CALCRL: variants seen among roughly 807,000 people sequenced by gnomAD.
CALCRL encodes calcitonin gene-related peptide type 1 receptor.
A neutral mutation model predicts 60.4 loss-of-function variants in CALCRL; 27 were observed. The ratio of observed to expected loss-of-function variants is 0.45; its 90% confidence interval spans 0.33 to 0.62. The LOEUF (loss-of-function observed/expected upper bound fraction) is 0.62, where lower values mean the gene tolerates loss of function less well. Among genes scored for constraint, CALCRL ranks in the 20% least tolerant of loss-of-function variants. CALCRL has a pLI of 0.03. For missense variants in CALCRL, 424 were observed against 540.7 expected (o/e 0.78, Z 2.14); for synonymous variants, 190 against 182.6 (o/e 1.04, Z -0.33).
At chr2:187,366,920 C>CACACACACACACACACACA (rs1491502658) in intron 8 of CALCRL, among the ~76,000 whole-genome samples, 1 of 97,550 alleles carries the variant, frequency 1.0e-5, no homozygotes, top group Non-Finnish European at 2.3e-5. Flanking sequence ...GAGTATAACC[C>CACACACACACACACACACA]CACACACACA....
At chr2:187,432,364 T>G (rs1690441648) in intron 1 of CALCRL, among the ~76,000 whole-genome samples, 1 of 152,166 alleles carries the variant, frequency 6.6e-6, no homozygotes, top group Non-Finnish European at 1.5e-5. Context: ...TTATTTATCT[T>G]AATTAAGTCA....
intron 1 of CALCRL, among the ~76,000 whole-genome samples, chr2:187,419,929 C>A (rs1247910850): frequency 6.6e-6 from 1 of 152,162 alleles, no homozygotes; most frequent in Non-Finnish European, 1.5e-5. Context: ...GTTCTGGAGT[C>A]ATATGCTAAT....
At chr2:187,358,446 C>T (rs919187071) in intron 12 of CALCRL, among the ~76,000 whole-genome samples, 3 of 152,060 alleles carry the variant, frequency 2.0e-5, no homozygotes, top group Non-Finnish European at 2.9e-5. Context: ...CTAATTCATG[C>T]ACTCACATTA....
chr2:187,435,638 T>C (rs1421969742), intron 1 of CALCRL, among the ~76,000 whole-genome samples: 5 of 152,152 alleles, frequency 3.3e-5, no homozygotes, highest in Non-Finnish European at 7.3e-5. Context: ...GATGTATTTG[T>C]TATGAATCTA....
At chr2:187,350,626 T>C (rs1473234915) in intron 14 of CALCRL, among the ~76,000 whole-genome samples, 1 of 151,566 alleles carries the variant, frequency 6.6e-6, no homozygotes, top group Admixed American at 6.6e-5. Context: ...ATATTTTAAT[T>C]AAAAACTAAA....
At chr2:187,413,601 G>A (rs533996710) in intron 1 of CALCRL, among the ~76,000 whole-genome samples, 3 of 152,094 alleles carry the variant, frequency 2.0e-5, no homozygotes, top group South Asian at 2.1e-4. Context: ...CTTTCATTTG[G>A]CAATTCTTAT....
intron 13 of CALCRL, 39 bp from the exon 14 acceptor site, chr2:187,352,000 A>G (rs1332886238): frequency 6.4e-7 from 1 of 1,565,656 alleles, no homozygotes; most frequent in Admixed American, 1.7e-5. Flanking sequence ...TCCAAATGGA[A>G]AGATACATGT....
chr2:187,375,775 TTTAAAAAG>T (rs918002269), intron 8 of CALCRL, among the ~76,000 whole-genome samples: 9 of 152,190 alleles, frequency 5.9e-5, no homozygotes, highest in African/African-American at 2.2e-4. Context: ...CAATATCATT[TTTAAAAAG>T]CACTTCTCTA....
At chr2:187,368,085 A>G (rs1024676173) in intron 8 of CALCRL, among the ~76,000 whole-genome samples, 2 of 152,092 alleles carry the variant, frequency 1.3e-5, no homozygotes, top group Non-Finnish European at 2.9e-5. Context: ...TGGGTAAATT[A>G]TTTAAGATCT....
rs763161195 is a variant in CALCRL, at chr2:187,346,101, G to C, written c.*83C>G. 8 of 768,850 alleles carry C rather than the reference G, an allele frequency of 1.0e-5. No individual in the cohort carries two copies. The highest frequency in any genetic ancestry group is 1.5e-5 in the Non-Finnish European group (7 of 477,564). 47.6% of individuals were successfully genotyped at this position (768,850 alleles called of 1,614,324 possible). On this transcript the variant is annotated 3_prime_UTR_variant, in exon 15 of 15. Transcript: ENST00000392370. ...GACATTCAAAAAGTCATTTAATATT[G>C]AAGTCTTCTGGCTACAGAGTCATGG...
intron 3 of CALCRL, among the ~76,000 whole-genome samples, chr2:187,386,133 A>AGATAGATAGATAGATAGAT (rs1553509541): frequency 5.9e-5 from 9 of 151,496 alleles, no homozygotes; most frequent in Non-Finnish European, 1.2e-4. Context: ...AACTTCTTAT[A>AGATAGATAGATAGATAGAT]GATAGATAGA....
intron 12 of CALCRL, among the ~76,000 whole-genome samples, chr2:187,357,810 C>A (rs1686864485): frequency 9.2e-6 from 1 of 108,220 alleles, no homozygotes; most frequent in Non-Finnish European, 1.9e-5. Context: ...ATAAAAACAA[C>A]AACAACAATG....
intron 1 of CALCRL, among the ~76,000 whole-genome samples, chr2:187,420,201 T>C (rs557146072): frequency 6.6e-6 from 1 of 152,268 alleles, no homozygotes; most frequent in Non-Finnish European, 1.5e-5. Flanking sequence ...TCCCAGCCAG[T>C]GAGTATCTTT....
intron 8 of CALCRL, among the ~76,000 whole-genome samples, chr2:187,366,655 C>T (rs1687307137): frequency 6.6e-6 from 1 of 151,890 alleles, no homozygotes; most frequent in African/African-American, 2.4e-5. Context: ...TAATAATATT[C>T]ACATGTGAAA....
intron 1 of CALCRL, among the ~76,000 whole-genome samples, chr2:187,432,877 G>A (rs1018004158): frequency 6.6e-6 from 1 of 151,960 alleles, no homozygotes; most frequent in African/African-American, 2.4e-5. Context: ...AAAGACTTAC[G>A]AGTGTGTTAC....
intron 1 of CALCRL, among the ~76,000 whole-genome samples, chr2:187,430,698 A>G (rs1559076556): frequency 1.3e-5 from 2 of 152,136 alleles, no homozygotes; most frequent in Non-Finnish European, 2.9e-5. Context: ...AGAGTCATTT[A>G]AAGTTTTTTC....
intron 10 of CALCRL, 40 bp from the exon 11 acceptor site, chr2:187,359,312 T>G: frequency 7.1e-7 from 1 of 1,409,636 alleles, no homozygotes; most frequent in South Asian, 1.4e-5. Context: ...TAGGCATTTT[T>G]TCTACAGATG....
chr2:187,436,840 C>T (rs1437123677), intron 1 of CALCRL, among the ~76,000 whole-genome samples: 2 of 152,164 alleles, frequency 1.3e-5, no homozygotes, highest in Non-Finnish European at 2.9e-5. Flanking sequence ...TACAGCCTCT[C>T]CTTTTATCTT....
intron 8 of CALCRL, among the ~76,000 whole-genome samples, chr2:187,365,419 C>T (rs3771089): frequency 0.44 from 67,270 of 151,894 alleles, 15,897 homozygotes; most frequent in East Asian, 0.61. Flanking sequence ...AACTGCTTAT[C>T]CATGCAAATA....
Sources: allele counts gnomAD v4.1 joint callset (sites outside exome capture counted in the v4.1 genomes callset), GRCh38; gene constraint gnomAD v4.1.1; transcripts MANE v1.5; gene names NCBI Gene and HGNC (gene_info 2026-07-23, HGNC 2026-07-21).